The following CHEK1 variants were observed in gnomAD, a reference collection of about 807,000 sequenced individuals.
The protein encoded by CHEK1 is checkpoint kinase 1.
A neutral mutation model predicts 60.2 loss-of-function variants in CHEK1; 32 were observed. That is an observed-to-expected ratio of 0.53 (90% CI 0.40 to 0.71). The LOEUF is 0.71. Ranked by LOEUF, CHEK1 falls within the 30% of genes least tolerant of loss-of-function variation. The pLI, the probability that CHEK1 is intolerant of heterozygous loss-of-function variation, is 0.00. For missense variants in CHEK1, 399 were observed against 564.6 expected (o/e 0.71, Z 2.97); for synonymous variants, 179 against 187.2 (o/e 0.96, Z 0.36).
intron 13 of CHEK1, among the ~76,000 whole-genome samples, chr11:125,668,956 G>A (rs904095278): frequency 2.6e-5 from 4 of 151,464 alleles, no homozygotes; most frequent in Non-Finnish European, 5.9e-5. Flanking sequence ...AGTTAATATT[G>A]TACTACTTCA....
At position 125,625,874 on chromosome 11, in the gene CHEK1, A is replaced by G. The variant is rs756266529; in HGVS notation, c.-159A>G. On this transcript the variant is annotated 5_prime_UTR_variant, in exon 1 of 13. Transcript: ENST00000438015. ...CACCCTTTTGGAGCCGCCGACATTCAGAGGGGCAGGACACGGGAACGCGCG... is the reference window on the plus strand; with the variant it reads ...CACCCTTTTGGAGCCGCCGACATTCGGAGGGGCAGGACACGGGAACGCGCG... 3 of 702,646 alleles carry G rather than the reference A, an allele frequency of 4.3e-6. No individual in the cohort carries two copies. The highest frequency in any genetic ancestry group is 7.8e-6 in the Non-Finnish European group (3 of 385,002). 43.5% of individuals were successfully genotyped at this position (702,646 alleles called of 1,614,324 possible).
rs3731456 is a variant in CHEK1 at position 125,645,703 on chromosome 11, A to G, written c.1233+1060A>G. ...AGAACAAGTGTCAAAGCAAAGTTGA[A>G]GTGAAGTGATATTTTCATTCAGCTT... On this transcript the variant is annotated intron_variant, in intron 11 of 12. Coordinates refer to ENST00000438015, the MANE Select transcript of CHEK1 (RefSeq NM_001114122.3). 4.9e-4 allele frequency among the ~76,000 whole-genome samples: 74 copies of G among 152,272 alleles called. 1 individual carries two copies. The East Asian group carries it at 0.014, about 28-fold the overall frequency.
At position 125,625,526 on chromosome 11, in the gene CHEK1, C is replaced by G. The variant is rs1333719013; in HGVS notation, c.-507C>G. The G allele has an allele frequency of 5.9e-6, 3 of 509,548 alleles. No individual in the cohort carries two copies. Among genetic ancestry groups the G allele is most frequent in the Non-Finnish European group, 7.0e-6 (2 of 284,970 alleles). 31.6% of individuals were successfully genotyped at this position (509,548 alleles called of 1,614,324 possible). A position where few individuals can be genotyped will look rare whatever the true frequency, so the allele number is the denominator to read the frequency against. ...AGGTTTACAAAGCACTCTGCTTCAC[C>G]GACTGTGATCCTCACAGTCCTGTCC... On this transcript the variant is annotated 5_prime_UTR_variant, in exon 1 of 13. Coordinates refer to ENST00000438015, the MANE Select transcript of CHEK1 (RefSeq NM_001114122.3).
chr11:125,680,945 C>T, downstream of CHEK1: 1 of 588,152 alleles, frequency 1.7e-6, no homozygotes, highest in Non-Finnish European at 3.0e-6. Context: ...CTCTGAGGTT[C>T]TTGTGTAGCC....
chr11:125,638,345 C>T (rs1378232987), intron 8 of CHEK1, among the ~76,000 whole-genome samples: 1 of 151,746 alleles, frequency 6.6e-6, no homozygotes, highest in Non-Finnish European at 1.5e-5. Flanking sequence ...TAGGTTAGGG[C>T]AATGGTATTG....
rs781018582 is a variant in CHEK1, at chr11:125,644,168, A to T, written c.1001A>T (p.Tyr334Phe). 6.2e-7 allele frequency: 1 copy of T among 1,614,204 alleles called. No individual in the cohort carries two copies. The highest frequency in any genetic ancestry group is 1.1e-5 in the South Asian group (1 of 91,088). Residue 334 changes from tyrosine to phenylalanine, a missense_variant, in exon 10 of 13, where the codon TAC becomes TTC. Tyr to Phe is a conservative substitution (Grantham distance 22, BLOSUM62 3). Coordinates refer to ENST00000438015, the MANE Select transcript of CHEK1 (RefSeq NM_001114122.3). ...TCCTTATGGGATACCAGCCCCTCAT[A>T]CATTGATAAATTGGTACAAGGGATC... ...GLSLWDTSPSYIDKLVQGISF... is the reference protein window; with the variant it reads ...GLSLWDTSPSFIDKLVQGISF...
Position 125,655,967 on chromosome 11 carries a change from C to T in CHEK1, c.*647C>T, listed in dbSNP as rs923231958. 9 of 208,286 alleles carry T rather than the reference C, an allele frequency of 4.3e-5. No homozygotes were observed. The highest frequency in any genetic ancestry group is 6.8e-5 in the Non-Finnish European group (7 of 102,524). The allele number at this position is 208,286 out of a possible 1,614,324, so 12.9% of individuals were successfully genotyped here. A position where few individuals can be genotyped will look rare whatever the true frequency, so the allele number is the denominator to read the frequency against. ...AAACTCTAGTGCTTAACTAACTTTA[C>T]TCTAAAAATTACTGTTGAACATCTT... On this transcript the variant is annotated 3_prime_UTR_variant, in exon 13 of 13. Transcript: ENST00000438015.
At chr11:125,633,465 T>A in intron 6 of CHEK1, 114 bp downstream of exon 6, 2 of 962,134 alleles carry the variant, frequency 2.1e-6, no homozygotes, top group Middle Eastern at 3.1e-4. Flanking sequence ...GTTTTCTTTT[T>A]TAAGAGACAG....
Position 125,626,023 on chromosome 11 carries a change from G to T in CHEK1, c.-21+11G>T. ...GCAAAGGACAGTCCGGTGAGGAAGGGCGGCCGGTAGAGTAGGGAAGGTTTC... is the reference window on the plus strand; with the variant it reads ...GCAAAGGACAGTCCGGTGAGGAAGGTCGGCCGGTAGAGTAGGGAAGGTTTC... On this transcript the variant is annotated intron_variant, in intron 1 of 12. Coordinates refer to ENST00000438015, the MANE Select transcript of CHEK1 (RefSeq NM_001114122.3). 1 of 696,482 alleles carries T rather than the reference G, an allele frequency of 1.4e-6. No individual in the cohort carries two copies. Among genetic ancestry groups the T allele is most frequent in the Non-Finnish European group, 2.6e-6 (1 of 379,848 alleles). The allele number at this position is 696,482 out of a possible 1,614,324, so 43.1% of individuals were successfully genotyped here.
chr11:125,635,410 G>T lies in CHEK1; in HGVS notation c.614-19G>T. On this transcript the variant is annotated intron_variant, in intron 6 of 12. Transcript: ENST00000438015. ...ATAATAAGAACATTTAAAAAAACTG[G>T]GACTTGCTTTGTTTTTAGAATTGCC... is the stretch of plus-strand genomic sequence containing the variant. 3 of 1,408,694 alleles carry T rather than the reference G, an allele frequency of 2.1e-6. No homozygotes were observed. The highest frequency in any genetic ancestry group is 1.3e-5 in the South Asian group (1 of 75,544). 87.3% of individuals were successfully genotyped at this position (1,408,694 alleles called of 1,614,324 possible).
At chr11:125,635,302 G>C in intron 6 of CHEK1, 127 bp from the exon 7 acceptor site, 1 of 575,074 alleles carries the variant, frequency 1.7e-6, no homozygotes, top group East Asian at 3.3e-5. Flanking sequence ...TCCAAGTTGG[G>C]ATTCTTAGTG....
chr11:125,637,427 T>G, intron 7 of CHEK1, 22 bp from the exon 8 acceptor site: 2 of 1,581,368 alleles, frequency 1.3e-6, no homozygotes, highest in Non-Finnish European at 1.7e-6. Context: ...TTCGTGAATG[T>G]TGTCGTAATG....
chr11:125,644,380 CT>C, intron 10 of CHEK1, 112 bp downstream of exon 10: 1 of 1,453,770 alleles, frequency 6.9e-7, no homozygotes, highest in Non-Finnish European at 9.3e-7. Context: ...CACATGTATT[CT>C]TTTTTGGTCA....
intron 6 of CHEK1, among the ~76,000 whole-genome samples, chr11:125,634,725 C>T (rs761789952): frequency 9.9e-5 from 15 of 152,116 alleles, no homozygotes; most frequent in Non-Finnish European, 1.9e-4. Context: ...GACCTAATTA[C>T]GTCTCAAAGG....
intron 8 of CHEK1, among the ~76,000 whole-genome samples, chr11:125,642,391 CT>C (rs1222976576): frequency 6.6e-6 from 1 of 152,140 alleles, no homozygotes; most frequent in Non-Finnish European, 1.5e-5. Flanking sequence ...TATTTTGTCT[CT>C]CCTCAGTAGA....
chr11:125,672,766 C>T (rs1161555291), intron 13 of CHEK1: 4 of 1,608,284 alleles, frequency 2.5e-6, no homozygotes, highest in African/African-American at 1.3e-5. Flanking sequence ...CGTCCTCCAA[C>T]CTTAGCCTTT....
intron 11 of CHEK1, among the ~76,000 whole-genome samples, chr11:125,652,936 T>A (rs974017396): frequency 4.6e-5 from 7 of 152,192 alleles, no homozygotes; most frequent in African/African-American, 1.7e-4. Flanking sequence ...TAATTTTGTA[T>A]TCTTTCATGA....
Position 125,625,501 on chromosome 11 carries a change from A to C in CHEK1, c.-532A>C. Reference sequence around the variant, plus strand: ...CCAGCACCACGAGTACCGCACTCTGAGGTTTACAAAGCACTCTGCTTCACC... The same window carrying C: ...CCAGCACCACGAGTACCGCACTCTGCGGTTTACAAAGCACTCTGCTTCACC... On this transcript the variant is annotated 5_prime_UTR_variant, in exon 1 of 13. An upstream open reading frame in the 5' UTR loses its in-frame stop. Transcript: ENST00000438015. 2.3e-6 allele frequency: 1 copy of C among 441,460 alleles called. No individual in the cohort carries two copies. The highest frequency in any genetic ancestry group is 4.1e-6 in the Non-Finnish European group (1 of 245,664). 27.3% of individuals were successfully genotyped at this position (441,460 alleles called of 1,614,324 possible).
At position 125,626,699 on chromosome 11, in the gene CHEK1, C is replaced by T. The variant is rs769149283; in HGVS notation, c.-20-50C>T. ...GGGGAGAGGCGGGGCTCAGTGGCTT[C>T]ACTGGTGATCTTACACTCTACATCT... On this transcript the variant is annotated intron_variant, in intron 1 of 12. Coordinates refer to ENST00000438015, the MANE Select transcript of CHEK1 (RefSeq NM_001114122.3). The T allele has an allele frequency of 9.6e-6, 15 of 1,566,582 alleles. No homozygotes were observed. In the Middle Eastern group the frequency reaches 1.0e-3, roughly 104 times the overall value.
Sources: allele counts gnomAD v4.1 joint callset (sites outside exome capture counted in the v4.1 genomes callset), GRCh38; gene constraint gnomAD v4.1.1; transcripts MANE v1.5; gene names NCBI Gene and HGNC (gene_info 2026-07-23, HGNC 2026-07-21).